The following OSR1 variants were observed in gnomAD, a reference collection of about 807,000 sequenced individuals.
The protein encoded by OSR1 is odd-skipped related transcription factor 1.
In OSR1, 3 loss-of-function variants were observed where a neutral mutation model predicts 15.7. The observed-to-expected ratio is 0.19, with a 90% CI of 0.09 to 0.50. The LOEUF (loss-of-function observed/expected upper bound fraction) is 0.50, where lower values mean the gene tolerates loss of function less well. OSR1 is among the 20% of genes least tolerant of loss of function. The probability of loss-of-function intolerance (pLI) is 0.97; values close to 1 mark genes in which losing one functional copy is unlikely to be tolerated. For missense variants in OSR1, 271 were observed against 351.1 expected (o/e 0.77, Z 1.82); for synonymous variants, 166 against 152.7 (o/e 1.09, Z -0.64).
downstream of OSR1, among the ~76,000 whole-genome samples, chr2:19,347,580 A>G (rs778261492): frequency 1.8e-4 from 27 of 152,220 alleles, no homozygotes; most frequent in Non-Finnish European, 3.5e-4. Context: ...ACATATGCCA[A>G]CTGGGCCCAA....
In OSR1 at chr2:19,353,228, T is replaced by C; in HGVS notation, c.578A>G (p.His193Arg). ...HFTKSYNLLI[H>R]ERTHTDERPY... ...CCGCTCGTCGGTGTGCGTCCGCTCATGGATAAGTAGGTTGTAGGACTTGGT... is the reference window on the plus strand; with the variant it reads ...CCGCTCGTCGGTGTGCGTCCGCTCACGGATAAGTAGGTTGTAGGACTTGGT... Residue 193 changes from histidine (H) to arginine (R), a missense_variant, in exon 2 of 3, where the codon CAT (histidine) becomes CGT (arginine). By Grantham distance (29) the His-to-Arg change is conservative. Coordinates refer to ENST00000272223, the MANE Select transcript of OSR1 (RefSeq NM_145260.3). The C allele has an allele frequency of 6.2e-7, 1 of 1,614,122 alleles. No homozygotes were observed. The highest frequency in any genetic ancestry group is 8.5e-7 in the Non-Finnish European group (1 of 1,180,020).
downstream of OSR1, among the ~76,000 whole-genome samples, chr2:19,348,015 A>C (rs1276556079): frequency 6.6e-6 from 1 of 152,246 alleles, no homozygotes; most frequent in Non-Finnish European, 1.5e-5. Flanking sequence ...CTCCGGCACC[A>C]GCAGCACTGG....
At chr2:19,350,220 G>A (rs13011502), downstream of OSR1, among the ~76,000 whole-genome samples, 28,298 of 152,044 alleles carry the variant, frequency 0.19, 2,795 homozygotes, top group Admixed American at 0.23. Context: ...TGGTGGTTTC[G>A]CGAGGTTGCG....
chr2:19,356,112 C>T (rs193030442), intron 1 of OSR1: 30 of 152,492 alleles, frequency 2.0e-4, no homozygotes, highest in African/African-American at 7.2e-4. Context: ...AGCCAGCGGC[C>T]GTGGCTGTGG....
downstream of OSR1, among the ~76,000 whole-genome samples, chr2:19,348,815 C>T (rs1664784329): frequency 6.6e-6 from 1 of 152,222 alleles, no homozygotes; most frequent in Admixed American, 6.5e-5. Context: ...TTACCGGAGA[C>T]AGCATCTGGC....
intron 1 of OSR1, chr2:19,354,324 G>A (rs1170057919): frequency 6.4e-6 from 1 of 157,086 alleles, no homozygotes; most frequent in Non-Finnish European, 1.4e-5. Flanking sequence ...AAGGTGCAAA[G>A]ACTGGGACAA....
intron 1 of OSR1, 68 bp from the exon 2 acceptor site, chr2:19,353,905 C>A (rs937035681): frequency 7.6e-7 from 1 of 1,310,838 alleles, no homozygotes; most frequent in Non-Finnish European, 1.0e-6. Context: ...TCGCCTTCCT[C>A]CTGAATTCCA....
downstream of OSR1, among the ~76,000 whole-genome samples, chr2:19,349,850 C>T (rs140195422): frequency 7.6e-3 from 1,162 of 152,278 alleles, 2 homozygotes; most frequent in Non-Finnish European, 0.013. Flanking sequence ...AACCATGGCC[C>T]GCAGCCTCCT....
chr2:19,353,399 C>T lies in OSR1; in HGVS notation c.407G>A (p.Arg136His). The change falls in exon 2 of 3, where the codon CGC becomes CAC. Residue 136 changes from arginine (R) to histidine (H), a missense_variant. Arg to His is a conservative substitution (Grantham distance 29). This residue lies in a region of OSR1 where 210 missense variants were observed against 218.4 expected (regional missense o/e 0.96). Coordinates refer to ENST00000272223, the MANE Select transcript of OSR1 (RefSeq NM_145260.3). ...ATQEDPAKLG[R>H]GEGPGSPAGG... ...TGCAGGGGAGCCTGGGCCCTCCCCG[C>T]GACCGAGCTTGGCCGGATCTTCTTG... 2 of 1,614,180 alleles carry T rather than the reference C, an allele frequency of 1.2e-6. No individual in the cohort carries two copies. Among genetic ancestry groups the T allele is most frequent in the South Asian group, 1.1e-5 (1 of 91,082 alleles).
At chr2:19,346,847 T>G (rs906158890), downstream of OSR1, 1 of 152,220 alleles carries the variant, frequency 6.6e-6, no homozygotes, top group Admixed American at 6.5e-5. Flanking sequence ...TTCCCTATCT[T>G]TGCAGTCACA....
intron 2 of OSR1, 60 bp from the exon 3 acceptor site, chr2:19,352,470 C>T: frequency 5.0e-6 from 8 of 1,586,996 alleles, no homozygotes; most frequent in Admixed American, 1.7e-5. Context: ...AAACAGTTGC[C>T]CAAGATCCCC....
the OSR1 span, among the ~76,000 whole-genome samples, chr2:19,345,876 A>T: frequency 1.3e-5 from 2 of 152,220 alleles, no homozygotes; most frequent in African/African-American, 4.8e-5. Flanking sequence ...AGTGGACCAA[A>T]TGCCCAAGCA....
chr2:19,352,083 C>T lies in OSR1; in HGVS notation c.*192G>A. On this transcript the variant is annotated 3_prime_UTR_variant, in exon 3 of 3. Coordinates refer to ENST00000272223, the MANE Select transcript of OSR1 (RefSeq NM_145260.3). Reference sequence around the variant, plus strand: ...GTTTAGCCGCGTCCTAGGGGAGCAGCAGGGACGGTCGGGGTCGCGGCCCCG... The same window carrying T: ...GTTTAGCCGCGTCCTAGGGGAGCAGTAGGGACGGTCGGGGTCGCGGCCCCG... 2 of 542,136 alleles carry T rather than the reference C, an allele frequency of 3.7e-6. No homozygotes were observed. Among genetic ancestry groups the T allele is most frequent in the Non-Finnish European group, 6.4e-6 (2 of 314,732 alleles). The allele number at this position is 542,136 out of a possible 1,614,324, so 33.6% of individuals were successfully genotyped here. A position where few individuals can be genotyped will look rare whatever the true frequency, so the allele number is the denominator to read the frequency against.
At chr2:19,348,950 C>A (rs940192854), downstream of OSR1, among the ~76,000 whole-genome samples, 3 of 152,212 alleles carry the variant, frequency 2.0e-5, no homozygotes, top group African/African-American at 7.2e-5. Flanking sequence ...GAGAAGGGCC[C>A]CAGCTGAACT....
At chr2:19,352,574 G>A (rs1664862417) in intron 2 of OSR1, among the ~76,000 whole-genome samples, 164 bp from the exon 3 acceptor site, 1 of 152,158 alleles carries the variant, frequency 6.6e-6, no homozygotes, top group East Asian at 1.9e-4. Flanking sequence ...GATGGAGTGG[G>A]GAGGTAAAGG....
In OSR1 at chr2:19,352,090, G is replaced by T; in HGVS notation, c.*185C>A. 3 of 561,940 alleles carry T rather than the reference G, an allele frequency of 5.3e-6. No individual in the cohort carries two copies. The highest frequency in any genetic ancestry group is 6.0e-6 in the Non-Finnish European group (2 of 332,738). The allele number at this position is 561,940 out of a possible 1,614,324, so 34.8% of individuals were successfully genotyped here. ...CGCGTCCTAGGGGAGCAGCAGGGAC[G>T]GTCGGGGTCGCGGCCCCGGGCGGGG... On this transcript the variant is annotated 3_prime_UTR_variant, in exon 3 of 3. Transcript: ENST00000272223.
In OSR1 at chr2:19,352,134, G is replaced by A. The variant is rs540419178; in HGVS notation, c.*141C>T. The stretch of plus-strand genomic sequence containing the variant: ...GGCGGGGCTCTGAAGTGCCGCGTGC[G>A]CCAGGGACCCAGGGGACAATGTTGG... On this transcript the variant is annotated 3_prime_UTR_variant, in exon 3 of 3. Transcript: ENST00000272223. 1.5e-4 allele frequency: 146 copies of A among 955,710 alleles called. No homozygotes were observed. In the African/African-American group the frequency reaches 2.3e-3, roughly 15 times the overall value. 59.2% of individuals were successfully genotyped at this position (955,710 alleles called of 1,614,324 possible).
chr2:19,350,980 G>A (rs1025594215), downstream of OSR1, among the ~76,000 whole-genome samples: 1 of 152,136 alleles, frequency 6.6e-6, no homozygotes, highest in African/African-American at 2.4e-5. Context: ...ATTTGCACCC[G>A]AGTGTTGAGA....
the OSR1 span, among the ~76,000 whole-genome samples, chr2:19,345,278 C>G: frequency 6.6e-6 from 1 of 151,994 alleles, no homozygotes; most frequent in African/African-American, 2.4e-5. Flanking sequence ...ATGGTAGTTT[C>G]TTTTGCTGTG....
Sources: allele counts gnomAD v4.1 joint callset (sites outside exome capture counted in the v4.1 genomes callset), GRCh38; gene constraint gnomAD v4.1.1; regional missense constraint gnomAD v4.1.1; transcripts MANE v1.5; gene names NCBI Gene and HGNC (gene_info 2026-07-23, HGNC 2026-07-21).